The following CTNNA2 variants were observed in gnomAD, a reference collection of about 807,000 sequenced individuals.
CTNNA2 encodes catenin alpha-2.
In CTNNA2, 42 loss-of-function variants were observed where a neutral mutation model predicts 101.0. The observed-to-expected ratio is 0.42, with a 90% CI of 0.32 to 0.54. The LOEUF (loss-of-function observed/expected upper bound fraction) is 0.54. CTNNA2 is among the 20% of genes least tolerant of loss of function. The pLI is 0.14. For missense variants in CTNNA2, 871 were observed against 1,223.1 expected (o/e 0.71, Z 4.29); for synonymous variants, 450 against 456.4 (o/e 0.99, Z 0.18).
In CTNNA2 at chr2:79,999,241, GT is replaced by G. The variant is rs756482680; in HGVS notation, c.1056+89445del. Reference sequence around the variant, plus strand: ...CTTATTTCTTCTCCATACCATCCTGGTGCAGCCCTAAGGTGTCTTTACCATT... The same window carrying G: ...CTTATTTCTTCTCCATACCATCCTGGGCAGCCCTAAGGTGTCTTTACCATT... On this transcript the variant is annotated intron_variant, in intron 7 of 18. Coordinates refer to ENST00000402739, the MANE Select transcript of CTNNA2 (RefSeq NM_001282597.3). 4.8e-3 allele frequency among the ~76,000 whole-genome samples: 728 copies of G among 152,234 alleles called. 5 individuals are homozygous for G. Among genetic ancestry groups the G allele is most frequent in the Non-Finnish European group, 6.1e-3 (418 of 68,018 alleles).
chr2:79,752,279 A>G (rs796958189), intron 3 of CTNNA2, among the ~76,000 whole-genome samples: 5 of 152,336 alleles, frequency 3.3e-5, no homozygotes, highest in African/African-American at 1.2e-4. Flanking sequence ...ATATCCAGCG[A>G]ACAAAGAATC....
chr2:80,146,548 A>G (rs1192673655), intron 7 of CTNNA2, among the ~76,000 whole-genome samples: 3 of 151,892 alleles, frequency 2.0e-5, no homozygotes, highest in African/African-American at 7.3e-5. Context: ...GAAGAAATAG[A>G]CCATTCCCCA....
intron 2 of CTNNA2, among the ~76,000 whole-genome samples, chr2:79,309,491 C>A (rs1188979112): frequency 6.6e-6 from 1 of 152,006 alleles, no homozygotes; most frequent in African/African-American, 2.4e-5. Flanking sequence ...AATGCAGAAA[C>A]AAAGAACAAA....
At chr2:79,292,278 T>C (rs1300908352) in intron 2 of CTNNA2, among the ~76,000 whole-genome samples, 10 of 152,184 alleles carry the variant, frequency 6.6e-5, no homozygotes. Context: ...TACACTGAAT[T>C]CCCTGGGGCT....
chr2:79,999,113 T>C (rs138168983), intron 7 of CTNNA2, among the ~76,000 whole-genome samples: 1,989 of 152,036 alleles, frequency 0.013, 21 homozygotes, highest in Non-Finnish European at 0.022. Flanking sequence ...ATCTGAGCCT[T>C]GGCCTTAGGC....
chr2:80,608,004 G>C (rs1486880604), intron 16 of CTNNA2, among the ~76,000 whole-genome samples, 180 bp from the exon 17 acceptor site: 2 of 151,830 alleles, frequency 1.3e-5, no homozygotes, highest in Non-Finnish European at 2.9e-5. Context: ...TTAAAGTAGA[G>C]CCAACCATTC....
At chr2:79,691,102 T>A (rs868178310) in intron 2 of CTNNA2, among the ~76,000 whole-genome samples, 2 of 152,002 alleles carry the variant, frequency 1.3e-5, no homozygotes, top group Non-Finnish European at 2.9e-5. Context: ...TAGCTCCAAA[T>A]GACTGTTGAC....
chr2:80,477,426 G>A (rs1030925067), intron 9 of CTNNA2, among the ~76,000 whole-genome samples: 5 of 151,952 alleles, frequency 3.3e-5, no homozygotes, highest in Admixed American at 6.6e-5. Context: ...ATTATGTAGC[G>A]GCAAAATCTG....
intron 7 of CTNNA2, among the ~76,000 whole-genome samples, chr2:80,313,223 C>A (rs1159272046): frequency 2.0e-5 from 3 of 152,182 alleles, no homozygotes; most frequent in Non-Finnish European, 1.5e-5. Context: ...AACTAACCTG[C>A]CTAGTTAGAT....
intron 15 of CTNNA2, among the ~76,000 whole-genome samples, chr2:80,594,691 A>G (rs1696794929): frequency 6.6e-6 from 1 of 152,036 alleles, no homozygotes; most frequent in South Asian, 2.1e-4. Flanking sequence ...GAGGTATAAC[A>G]TGAGGACTGC....
At chr2:80,300,585 T>TC (rs913422837) in intron 7 of CTNNA2, among the ~76,000 whole-genome samples, 3 of 151,026 alleles carry the variant, frequency 2.0e-5, no homozygotes, top group Admixed American at 6.6e-5. Flanking sequence ...TGGTTCCCCA[T>TC]CCCCCCATTC....
intron 7 of CTNNA2, among the ~76,000 whole-genome samples, chr2:79,975,233 T>A (rs1690751503): frequency 6.6e-6 from 1 of 152,184 alleles, no homozygotes; most frequent in Non-Finnish European, 1.5e-5. Flanking sequence ...AACTTGGTCT[T>A]CAGCTGTTCC....
intron 18 of CTNNA2, among the ~76,000 whole-genome samples, chr2:80,630,596 C>T (rs779667860): frequency 2.5e-4 from 38 of 151,866 alleles, no homozygotes; most frequent in Admixed American, 2.0e-3. Context: ...GAGATTGCGC[C>T]GCTACACTCC....
chr2:80,626,918 T>C (rs1197563879), intron 18 of CTNNA2, among the ~76,000 whole-genome samples: 2 of 151,698 alleles, frequency 1.3e-5, no homozygotes, highest in Non-Finnish European at 2.9e-5. Context: ...CCTGTGTCCA[T>C]GTGTTCTCAT....
rs376325387 is a variant in CTNNA2 at position 80,577,761 on chromosome 2, G to C, written c.1893+3447G>C. ...TTCTAGTCTGCAGCCCATTCCAGTG[G>C]TGTTGAGCTCTGTTGGGAAATCCTA... On this transcript the variant is annotated intron_variant, in intron 13 of 18. Coordinates refer to ENST00000402739, the MANE Select transcript of CTNNA2 (RefSeq NM_001282597.3). Among the ~76,000 whole-genome samples, 8 of 139,766 alleles carry C rather than the reference G, an allele frequency of 5.7e-5. No individual in the cohort carries two copies. In the East Asian group the frequency reaches 1.8e-3, roughly 31 times the overall value. The allele number at this position is 139,766 out of a possible 152,430, so 91.7% of individuals were successfully genotyped here. A position where few individuals can be genotyped will look rare whatever the true frequency, so the allele number is the denominator to read the frequency against.
intron 1 of CTNNA2, among the ~76,000 whole-genome samples, chr2:79,594,811 T>C (rs1201164181): frequency 6.6e-6 from 1 of 152,160 alleles, no homozygotes; most frequent in Non-Finnish European, 1.5e-5. Flanking sequence ...ATACTAAAAT[T>C]TCTTCCATTC....
intron 2 of CTNNA2, among the ~76,000 whole-genome samples, chr2:79,683,273 A>C (rs1364179191): frequency 3.3e-5 from 5 of 152,326 alleles, no homozygotes; most frequent in African/African-American, 9.6e-5. Context: ...TCATCTCCTT[A>C]GGGCCTTTCT....
intron 7 of CTNNA2, among the ~76,000 whole-genome samples, chr2:80,253,958 C>G (rs900954009): frequency 1.3e-5 from 2 of 152,040 alleles, no homozygotes; most frequent in African/African-American, 4.8e-5. Flanking sequence ...TAAGATAGGT[C>G]TGGGGTAAGA....
chr2:80,017,670 G>A (rs1003215276), intron 7 of CTNNA2, among the ~76,000 whole-genome samples: 2 of 151,874 alleles, frequency 1.3e-5, no homozygotes, highest in African/African-American at 4.8e-5. Flanking sequence ...AGGTCTAGGT[G>A]GAGTCAATGT....
Sources: allele counts gnomAD v4.1 joint callset (sites outside exome capture counted in the v4.1 genomes callset), GRCh38; gene constraint gnomAD v4.1.1; transcripts MANE v1.5; gene names NCBI Gene and HGNC (gene_info 2026-07-23, HGNC 2026-07-21).